The following RASGRF1 variants were observed in gnomAD, a reference collection of about 807,000 sequenced individuals.
RASGRF1 encodes the protein Ras protein specific guanine nucleotide releasing factor 1.
In RASGRF1, 40 loss-of-function variants were observed where a neutral mutation model predicts 138.7. The ratio of observed to expected loss-of-function variants is 0.29; its 90% CI spans 0.22 to 0.38. RASGRF1 has a LOEUF of 0.38. Ranked by LOEUF, RASGRF1 falls within the 10% of genes least tolerant of loss-of-function variation. The pLI is 1.00. For missense variants in RASGRF1, 1,108 were observed against 1,650.4 expected (o/e 0.67, Z 5.69); for synonymous variants, 614 against 663.2 (o/e 0.93, Z 1.14).
At chr15:79,012,543 G>A (rs2056816610) in intron 13 of RASGRF1, 1 of 1,614,038 alleles carries the variant, frequency 6.2e-7, no homozygotes, top group Non-Finnish European at 8.5e-7. Flanking sequence ...AAGAAAACCA[G>A]GCTTTAGATT....
rs758415767 is a variant in RASGRF1 at position 79,072,267 on chromosome 15, C to CTTTTTT, written c.277-7747_277-7742dup. Among the ~76,000 whole-genome samples the CTTTTTT allele has an allele frequency of 1.0e-3, 64 of 61,590 alleles. 13 individuals carry two copies. Among genetic ancestry groups the CTTTTTT allele is most frequent in the Non-Finnish European group, 1.6e-3 (54 of 32,846 alleles). 40.4% of individuals were successfully genotyped at this position (61,590 alleles called of 152,430 possible). A position where few individuals can be genotyped will look rare whatever the true frequency, so the allele number is the denominator to read the frequency against. ...TTTCTGGGAGTTCTTGATAAACAAT[C>CTTTTTT]TTTTTTTTTTTTTTTTTTTTTTTTT... On this transcript the variant is annotated intron_variant, in intron 1 of 26. Coordinates refer to ENST00000558480, the MANE Select transcript of RASGRF1 (RefSeq NM_001145648.3).
chr15:79,021,935 A>C (rs1045565760), intron 10 of RASGRF1, among the ~76,000 whole-genome samples: 3 of 152,342 alleles, frequency 2.0e-5, no homozygotes, highest in African/African-American at 7.2e-5. Flanking sequence ...TCCAGTGAGC[A>C]CTGAGCGTGT....
At position 79,006,219 on chromosome 15, in the gene RASGRF1, A is replaced by C; in HGVS notation, c.2042T>G (p.Ile681Ser). Residue 681 changes from isoleucine to serine, a missense_variant, in exon 14 of 27, where the codon ATC becomes AGC. By Grantham distance (142) the Ile-to-Ser change is moderately radical. Coordinates refer to ENST00000558480, the MANE Select transcript of RASGRF1 (RefSeq NM_001145648.3). The surrounding 1 kb of genome is among the most constrained non-coding windows in gnomAD (Gnocchi z 4.0). ...AATGGCACTGATAGGCTTCTTGTAG[A>C]TGGTAATGAGCTTGTCCAGGACCAC... ...AIVVLDKLIT[I>S]YKKPISAIPA... 1 of 1,614,202 alleles carries C rather than the reference A, an allele frequency of 6.2e-7. No homozygotes were observed. The highest frequency in any genetic ancestry group is 8.5e-7 in the Non-Finnish European group (1 of 1,180,034).
intron 24 of RASGRF1, among the ~76,000 whole-genome samples, chr15:78,979,967 C>G (rs187648681): frequency 5.3e-5 from 8 of 152,332 alleles, no homozygotes; most frequent in Admixed American, 2.0e-4. Context: ...CCATTAGCAT[C>G]TCACAGGTAG....
At chr15:79,052,217 G>A (rs2141036025) in intron 3 of RASGRF1, among the ~76,000 whole-genome samples, 1 of 152,240 alleles carries the variant, frequency 6.6e-6, no homozygotes, top group South Asian at 2.1e-4. Flanking sequence ...TTTGGGCACG[G>A]TGCAATGGCT....
intron 1 of RASGRF1, among the ~76,000 whole-genome samples, chr15:79,079,038 A>C (rs1477841982): frequency 6.6e-6 from 1 of 152,238 alleles, no homozygotes; most frequent in Non-Finnish European, 1.5e-5. Context: ...CTCTTTCAGA[A>C]TCAGCCTCGA....
chr15:79,055,387 GGACA>G (rs1466005448), intron 3 of RASGRF1, among the ~76,000 whole-genome samples: 1 of 152,058 alleles, frequency 6.6e-6, no homozygotes, highest in Non-Finnish European at 1.5e-5. Flanking sequence ...TATATCAGGG[GGACA>G]GAGAGAGAAA....
Position 79,027,911 on chromosome 15 carries a change from G to C in RASGRF1, c.1263-52C>G, listed in dbSNP as rs750540861. 4 of 1,581,514 alleles carry C rather than the reference G, an allele frequency of 2.5e-6. No individual in the cohort carries two copies. Among genetic ancestry groups the C allele is most frequent in the Non-Finnish European group, 3.5e-6 (4 of 1,151,642 alleles). On this transcript the variant is annotated intron_variant, in intron 8 of 26. Transcript: ENST00000558480. The surrounding 1 kb of genome is among the most constrained non-coding windows in gnomAD (Gnocchi z 4.8). Reference sequence around the variant, plus strand: ...AGAGACAGGCTGCCCCTACTTCCCAGGGAGGCGAGAATGCCAGGCTTCTGG... The same window carrying C: ...AGAGACAGGCTGCCCCTACTTCCCACGGAGGCGAGAATGCCAGGCTTCTGG...
Position 79,058,375 on chromosome 15 carries a change from T to C in RASGRF1, c.490A>G (p.Ile164Val). ...KTVAKQLRQQ[I>V]EDGEIEIERL... ...TCGATCTCGATCTCCCCATCCTCGA[T>C]CTGCTGCCGAAGCTGCTTGGCCACG... The change falls in exon 3 of 27, where the codon ATC becomes GTC. Residue 164 changes from isoleucine (I) to valine (V), a missense_variant. This residue lies in a region of RASGRF1 where 253 missense variants were observed against 329.5 expected (regional missense o/e 0.77). Transcript: ENST00000558480. 6.2e-7 allele frequency: 1 copy of C among 1,614,142 alleles called. No homozygotes were observed. Among genetic ancestry groups the C allele is most frequent in the Non-Finnish European group, 8.5e-7 (1 of 1,180,048 alleles).
chr15:79,072,671 G>A (rs1313831999), intron 1 of RASGRF1, among the ~76,000 whole-genome samples: 2 of 152,156 alleles, frequency 1.3e-5, no homozygotes, highest in Admixed American at 6.5e-5. Flanking sequence ...AGCTGGTATC[G>A]GTTCAGAGCT....
At position 79,046,693 on chromosome 15, in the gene RASGRF1, G is replaced by C. The variant is rs2141024684; in HGVS notation, c.878+53C>G. On this transcript the variant is annotated intron_variant, in intron 5 of 26. Coordinates refer to ENST00000558480, the MANE Select transcript of RASGRF1 (RefSeq NM_001145648.3). This position sits in a 1 kb window ranked among gnomAD's most constrained non-coding sequence, Gnocchi z 5.3. ...GAGAGTGTGTCAAAGCTTAGCTGCG[G>C]CCAATGCTCACTAGTCTCCTTCCTG... 3 of 1,602,158 alleles carry C rather than the reference G, an allele frequency of 1.9e-6. No individual in the cohort carries two copies. The highest frequency in any genetic ancestry group is 1.7e-4 in the Middle Eastern group (1 of 6,028).
intron 5 of RASGRF1, among the ~76,000 whole-genome samples, chr15:79,037,312 C>T (rs2057235698): frequency 6.6e-6 from 1 of 151,240 alleles, no homozygotes; most frequent in South Asian, 2.1e-4. Flanking sequence ...CAGCCATCCC[C>T]AATCTTTTTG....
Position 79,047,053 on chromosome 15 carries a change from C to T in RASGRF1, c.625-54G>A. ...TCCTGTCAGGGAGTCTGGACCACTC[C>T]TGTCCTTCCAGGCTGTGAGCTCCCC... On this transcript the variant is annotated intron_variant, in intron 4 of 26. Transcript: ENST00000558480. The T allele has an allele frequency of 4.4e-6, 7 of 1,579,578 alleles. 1 individual carries two copies. The South Asian group carries it at 7.8e-5, about 18-fold the overall frequency.
Position 79,063,260 on chromosome 15 carries a change from T to G in RASGRF1, c.383+1160A>C, listed in dbSNP as rs1450111485. On this transcript the variant is annotated intron_variant, in intron 2 of 26. Transcript: ENST00000558480. ...CACTGGGCCTGACTATTGGTTCATA[T>G]GTGACAACCTGGTCTCTGTAGCTAG... 2.6e-5 allele frequency among the ~76,000 whole-genome samples: 4 copies of G among 152,220 alleles called. No homozygotes were observed. The East Asian group carries it at 5.8e-4, about 22-fold the overall frequency.
intron 4 of RASGRF1, 69 bp downstream of exon 4, chr15:79,049,427 C>T: frequency 6.9e-7 from 1 of 1,457,936 alleles, no homozygotes; most frequent in Non-Finnish European, 9.5e-7. Flanking sequence ...GGTGTGGATA[C>T]TGCCAACCCT....
At chr15:79,017,684 C>G (rs527586220) in intron 12 of RASGRF1, 86 bp downstream of exon 12, 10 of 1,440,118 alleles carry the variant, frequency 6.9e-6, no homozygotes, top group Non-Finnish European at 9.3e-6. Context: ...CCACCACCCC[C>G]ACCCCCTACC....
intron 1 of RASGRF1, among the ~76,000 whole-genome samples, chr15:79,089,164 G>A (rs1258898080): frequency 1.3e-5 from 2 of 152,172 alleles, no homozygotes; most frequent in Non-Finnish European, 2.9e-5. Flanking sequence ...CATGACGCTG[G>A]GCAAGTGAAT....
At chr15:79,030,849 G>C (rs547894860) in intron 8 of RASGRF1, among the ~76,000 whole-genome samples, 2 of 152,204 alleles carry the variant, frequency 1.3e-5, no homozygotes, top group Admixed American at 1.3e-4. Context: ...AGCCCCCTCC[G>C]TGCTCCCCTG....
In RASGRF1 at chr15:78,995,797, A is replaced by G. The variant is rs770570986; in HGVS notation, c.2970T>C (p.Thr990=). ...TGTCACCTGGGTCCTCCTGGGTCAGAGTCCTAGGCAGGAGCGAGAAGGCAC... is the reference window on the plus strand; with the variant it reads ...TGTCACCTGGGTCCTCCTGGGTCAGGGTCCTAGGCAGGAGCGAGAAGGCAC... The part of the protein sequence containing the change: ...ERKAAANIIR[T]LTQEDPGDNQ... The change falls in exon 20 of 27, where the codon ACT becomes ACC. Residue 990 remains threonine, a synonymous_variant. Transcript: ENST00000558480. 1.2e-6 allele frequency: 2 copies of G among 1,614,006 alleles called. No individual in the cohort carries two copies. Among genetic ancestry groups the G allele is most frequent in the African/African-American group, 1.3e-5 (1 of 74,896 alleles).
Sources: gnomAD v4.1 joint callset for allele counts (sites outside exome capture counted in the v4.1 genomes callset) on GRCh38, gnomAD v4.1.1 for gene constraint, gnomAD v4.1.1 regional missense constraint, Gnocchi (gnomAD v3.1) non-coding constraint, MANE v1.5 for transcripts, NCBI Gene and HGNC (gene_info 2026-07-23, HGNC 2026-07-21) for gene names.